The following DIAPH3 variants were observed in gnomAD, a reference collection of about 807,000 sequenced individuals.
DIAPH3 encodes the protein diaphanous related formin 3.
Under a neutral mutation model 144.3 loss-of-function variants are expected in DIAPH3, and 117 were observed. That is an observed-to-expected ratio of 0.81 (90% CI 0.70 to 0.95). The LOEUF is 0.95. DIAPH3 is among the 40% of genes least tolerant of loss of function. The pLI, the probability that DIAPH3 is intolerant of heterozygous loss-of-function variation, is 0.00. For missense variants in DIAPH3, 1,421 were observed against 1,412.7 expected, an observed-to-expected ratio of 1.01 and a Z score of -0.09; for synonymous variants, 519 against 488.9, an observed-to-expected ratio of 1.06 and a Z score of -0.81.
At chr13:59,987,142 G>A (rs1016633127) in intron 12 of DIAPH3, among the ~76,000 whole-genome samples, 1 of 151,778 alleles carries the variant, frequency 6.6e-6, no homozygotes, top group African/African-American at 2.4e-5. Flanking sequence ...ATACTATGCA[G>A]CCATAAAAAA....
At chr13:59,699,390 G>A (rs1469449725) in intron 27 of DIAPH3, among the ~76,000 whole-genome samples, 1 of 152,218 alleles carries the variant, frequency 6.6e-6, no homozygotes, top group African/African-American at 2.4e-5. Context: ...AGGGGAGTGA[G>A]CCAGGGCTGG....
intron 4 of DIAPH3, among the ~76,000 whole-genome samples, chr13:60,083,372 T>C (rs1192930558): frequency 6.6e-6 from 1 of 152,008 alleles, no homozygotes; most frequent in Non-Finnish European, 1.5e-5. Flanking sequence ...AGATGTCTCT[T>C]TGTAAAAGTA....
rs116803216 is a variant in DIAPH3, at chr13:59,738,745, T to C, written c.3319+35444A>G. On this transcript the variant is annotated intron_variant, in intron 27 of 27. Coordinates refer to ENST00000400324, the MANE Select transcript of DIAPH3 (RefSeq NM_001042517.2). ...CTTGCAACACCCATAAGGGAATTCT[T>C]TAGATCAAGTCACTTCTGCATCTGT... Among the ~76,000 whole-genome samples the C allele has an allele frequency of 3.1e-3, 478 of 152,332 alleles. 3 individuals are homozygous for C. The highest frequency in any genetic ancestry group is 0.01 in the African/African-American group (421 of 41,578).
At chr13:59,681,430 C>G (rs1432396431) in intron 27 of DIAPH3, among the ~76,000 whole-genome samples, 1 of 152,126 alleles carries the variant, frequency 6.6e-6, no homozygotes, top group Non-Finnish European at 1.5e-5. Context: ...TGAGCCATGA[C>G]TGCACCACTG....
chr13:59,858,405 G>A (rs539999316), intron 22 of DIAPH3, among the ~76,000 whole-genome samples: 1 of 152,196 alleles, frequency 6.6e-6, no homozygotes, highest in East Asian at 1.9e-4. Flanking sequence ...CTGACACAGT[G>A]TAATCACTCA....
intron 23 of DIAPH3, chr13:59,838,225 C>A (rs1030712510): frequency 1.3e-5 from 2 of 152,042 alleles, no homozygotes; most frequent in African/African-American, 4.8e-5. Flanking sequence ...AGATATCAGT[C>A]TGTAATTTCA....
In DIAPH3 at chr13:59,872,827, G is replaced by T. The variant is rs1220107085; in HGVS notation, c.2607+6402C>A. Among the ~76,000 whole-genome samples the T allele has an allele frequency of 3.3e-5, 5 of 152,320 alleles. No homozygotes were observed. In the South Asian group the frequency reaches 1.0e-3, roughly 32 times the overall value. Reference sequence around the variant, plus strand: ...GGATTCAGAGGCTGGGTGTTTGGGGGAAAGGGTAGTTTGATAGAGAAGCTA... The same window carrying T: ...GGATTCAGAGGCTGGGTGTTTGGGGTAAAGGGTAGTTTGATAGAGAAGCTA... On this transcript the variant is annotated intron_variant, in intron 21 of 27. Transcript: ENST00000400324.
At chr13:60,111,970 C>A in intron 3 of DIAPH3, 40 bp downstream of exon 3, 1 of 1,606,598 alleles carries the variant, frequency 6.2e-7, no homozygotes, top group Non-Finnish European at 8.5e-7. Context: ...AAAGCTAAGG[C>A]TTTTTCCTCA....
At chr13:60,069,856 C>T (rs2057131647) in intron 4 of DIAPH3, among the ~76,000 whole-genome samples, 2 of 152,088 alleles carry the variant, frequency 1.3e-5, no homozygotes, top group African/African-American at 4.8e-5. Context: ...TGTACAAATA[C>T]CATGCTGTTT....
intron 24 of DIAPH3, among the ~76,000 whole-genome samples, chr13:59,829,606 T>C (rs2041668385): frequency 6.6e-6 from 1 of 151,924 alleles, no homozygotes; most frequent in African/African-American, 2.4e-5. Flanking sequence ...ATGTTAGCTA[T>C]TAAATCACCC....
At chr13:59,728,909 C>A (rs2035735754) in intron 27 of DIAPH3, among the ~76,000 whole-genome samples, 1 of 151,992 alleles carries the variant, frequency 6.6e-6, no homozygotes, top group African/African-American at 2.4e-5. Context: ...AAGTAGAAAG[C>A]TCCAAAGAAG....
intron 22 of DIAPH3, among the ~76,000 whole-genome samples, chr13:59,841,089 T>C (rs2139779330): frequency 6.6e-6 from 1 of 152,294 alleles, no homozygotes; most frequent in African/African-American, 2.4e-5. Flanking sequence ...TGGTGTTTCA[T>C]TTACTCTTCC....
At chr13:59,811,951 G>C (rs1177265618) in intron 24 of DIAPH3, among the ~76,000 whole-genome samples, 2 of 151,920 alleles carry the variant, frequency 1.3e-5, no homozygotes, top group Non-Finnish European at 2.9e-5. Flanking sequence ...ATTTTTAAGT[G>C]CCAACAAAGA....
chr13:60,147,254 G>C (rs573194440), intron 1 of DIAPH3: 3 of 152,286 alleles, frequency 2.0e-5, no homozygotes, highest in African/African-American at 7.2e-5. Flanking sequence ...CCTATTTACA[G>C]AGAAAAGGTC....
chr13:59,847,139 T>C (rs941326424), intron 22 of DIAPH3, among the ~76,000 whole-genome samples: 10 of 152,190 alleles, frequency 6.6e-5, no homozygotes, highest in African/African-American at 2.2e-4. Flanking sequence ...CATCAAGTAG[T>C]TGTACCTTCC....
chr13:60,008,268 C>T (rs548353800), intron 9 of DIAPH3, among the ~76,000 whole-genome samples: 4 of 151,974 alleles, frequency 2.6e-5, no homozygotes, highest in South Asian at 2.1e-4. Flanking sequence ...TGGTGGCAGG[C>T]GCCTGTAGTC....
At chr13:59,690,528 G>GT (rs1270742358) in intron 27 of DIAPH3, among the ~76,000 whole-genome samples, 1 of 152,064 alleles carries the variant, frequency 6.6e-6, no homozygotes, top group African/African-American at 2.4e-5. Context: ...TAACAGTGTT[G>GT]TTTTCTGCTA....
chr13:60,107,773 A>AT (rs1364198136), intron 3 of DIAPH3, among the ~76,000 whole-genome samples: 10 of 152,146 alleles, frequency 6.6e-5, no homozygotes, highest in Non-Finnish European at 1.2e-4. Flanking sequence ...TTATCAGGTC[A>AT]TTTTTTCTAC....
chr13:60,029,908 T>G (rs1044703731), intron 5 of DIAPH3, among the ~76,000 whole-genome samples: 8 of 152,126 alleles, frequency 5.3e-5, no homozygotes. Context: ...TTTATGGCCA[T>G]GACCTTCCGC....
Sources: gnomAD v4.1 joint callset for allele counts (sites outside exome capture counted in the v4.1 genomes callset) on GRCh38, gnomAD v4.1.1 for gene constraint, MANE v1.5 for transcripts, NCBI Gene and HGNC (gene_info 2026-07-23, HGNC 2026-07-21) for gene names.